The following GPC5 variants were observed in gnomAD, a reference collection of about 807,000 sequenced individuals.
The protein encoded by GPC5 is glypican-5.
Under a neutral mutation model 53.9 loss-of-function variants are expected in GPC5, and 47 were observed. The observed-to-expected ratio is 0.87, with a 90% CI of 0.69 to 1.11. The LOEUF (loss-of-function observed/expected upper bound fraction) is 1.11. GPC5 is among the 50% of genes most tolerant of loss of function. The probability of loss-of-function intolerance (pLI) is 0.00; values close to 1 mark genes in which losing one functional copy is unlikely to be tolerated. For missense variants in GPC5, 748 were observed against 713.1 expected, an observed-to-expected ratio of 1.05 and a Z score of -0.56; for synonymous variants, 286 against 263.3, an observed-to-expected ratio of 1.09 and a Z score of -0.84.
intron 7 of GPC5, among the ~76,000 whole-genome samples, chr13:92,665,081 C>T (rs1345229036): frequency 1.3e-5 from 2 of 152,000 alleles, no homozygotes; most frequent in African/African-American, 2.4e-5. Flanking sequence ...TATAGATACA[C>T]GGAAAATTTC....
chr13:92,310,779 G>T (rs953095375), intron 7 of GPC5, among the ~76,000 whole-genome samples: 34 of 152,114 alleles, frequency 2.2e-4, no homozygotes, highest in Non-Finnish European at 3.5e-4. Flanking sequence ...ACAAAGCATT[G>T]TAAAAACTGT....
chr13:92,348,795 T>C (rs1364597002), intron 7 of GPC5, among the ~76,000 whole-genome samples: 1 of 152,102 alleles, frequency 6.6e-6, no homozygotes, highest in East Asian at 1.9e-4. Flanking sequence ...CAAATACATA[T>C]AAATTAAACA....
intron 7 of GPC5, among the ~76,000 whole-genome samples, chr13:92,507,603 A>G (rs187910770): frequency 6.6e-6 from 1 of 152,204 alleles, no homozygotes; most frequent in African/African-American, 2.4e-5. Flanking sequence ...CACTCTACCT[A>G]TAACATCTCT....
intron 6 of GPC5, among the ~76,000 whole-genome samples, chr13:91,976,138 G>A (rs2040298822): frequency 6.6e-6 from 1 of 152,122 alleles, no homozygotes; most frequent in Admixed American, 6.6e-5. Context: ...GGGGGAGGGG[G>A]AAGGGATAGC....
At chr13:92,777,458 C>T (rs1460200796) in intron 7 of GPC5, among the ~76,000 whole-genome samples, 1 of 151,580 alleles carries the variant, frequency 6.6e-6, no homozygotes, top group African/African-American at 2.4e-5. Context: ...CATGGTAAAA[C>T]CCTGTCTCTA....
chr13:91,800,278 G>T (rs1425746134), intron 5 of GPC5, among the ~76,000 whole-genome samples: 2 of 152,004 alleles, frequency 1.3e-5, no homozygotes. Context: ...GTACCTGAAA[G>T]TTAAAAATAT....
chr13:91,930,698 T>G (rs1350014167), intron 6 of GPC5, among the ~76,000 whole-genome samples: 1 of 151,964 alleles, frequency 6.6e-6, no homozygotes, highest in African/African-American at 2.4e-5. Context: ...TGCAAACACA[T>G]ACCCTTTCCA....
intron 7 of GPC5, among the ~76,000 whole-genome samples, chr13:92,817,463 GC>G (rs1317397721): frequency 6.6e-6 from 1 of 151,726 alleles, no homozygotes; most frequent in Non-Finnish European, 1.5e-5. Context: ...TGATTACATA[GC>G]CTTCTAAGTT....
At chr13:92,357,874 T>TG (rs113657853) in intron 7 of GPC5, among the ~76,000 whole-genome samples, 41,398 of 150,492 alleles carry the variant, frequency 0.28, 6,154 homozygotes, top group South Asian at 0.39. Context: ...ACATGAGATA[T>TG]GGGGGGGGAC....
intron 7 of GPC5, among the ~76,000 whole-genome samples, chr13:92,460,386 C>T (rs1190872193): frequency 6.6e-6 from 1 of 152,128 alleles, no homozygotes; most frequent in Non-Finnish European, 1.5e-5. Flanking sequence ...TAGAACTTGA[C>T]AGTAGAGGAC....
At chr13:91,427,762 C>T (rs1181679855) in intron 1 of GPC5, among the ~76,000 whole-genome samples, 2 of 152,084 alleles carry the variant, frequency 1.3e-5, no homozygotes, top group Non-Finnish European at 2.9e-5. Context: ...TGTGTCCCCA[C>T]CTAAAATTTC....
At chr13:91,582,764 G>C (rs150384232) in intron 2 of GPC5, among the ~76,000 whole-genome samples, 2 of 152,106 alleles carry the variant, frequency 1.3e-5, no homozygotes, top group Non-Finnish European at 2.9e-5. Context: ...TGTAATCCCA[G>C]CACCTTGGGA....
intron 6 of GPC5, among the ~76,000 whole-genome samples, chr13:92,031,177 C>T (rs889106938): frequency 1.3e-5 from 2 of 152,056 alleles, no homozygotes; most frequent in African/African-American, 2.4e-5. Context: ...TCAGCCATTG[C>T]GCGATGTATT....
At chr13:92,030,395 C>G (rs889263668) in intron 6 of GPC5, among the ~76,000 whole-genome samples, 3 of 152,132 alleles carry the variant, frequency 2.0e-5, no homozygotes, top group East Asian at 3.9e-4. Flanking sequence ...TGTAATCCCT[C>G]ATTATTTCTC....
At chr13:91,634,797 A>T (rs184675020) in intron 2 of GPC5, among the ~76,000 whole-genome samples, 6 of 151,948 alleles carry the variant, frequency 3.9e-5, no homozygotes, top group East Asian at 3.9e-4. Context: ...TTACATTGTT[A>T]AAAAAAAGTG....
intron 5 of GPC5, among the ~76,000 whole-genome samples, chr13:91,760,360 G>T (rs2037384262): frequency 6.6e-6 from 1 of 152,102 alleles, no homozygotes; most frequent in Non-Finnish European, 1.5e-5. Flanking sequence ...AGTGATCTGT[G>T]GTGAAAAGCT....
At chr13:92,482,535 T>G (rs1170374902) in intron 7 of GPC5, among the ~76,000 whole-genome samples, 1 of 152,244 alleles carries the variant, frequency 6.6e-6, no homozygotes. Flanking sequence ...AAAGATTCTT[T>G]AACACCATTC....
At chr13:92,121,339 T>G (rs755426826) in intron 6 of GPC5, among the ~76,000 whole-genome samples, 75 of 152,210 alleles carry the variant, frequency 4.9e-4, no homozygotes, top group Non-Finnish European at 9.3e-4. Flanking sequence ...CACCATCATT[T>G]ATGATGATGC....
At chr13:92,223,848 G>T (rs2139091346) in intron 7 of GPC5, among the ~76,000 whole-genome samples, 1 of 152,170 alleles carries the variant, frequency 6.6e-6, no homozygotes, top group Admixed American at 6.5e-5. Context: ...TTTGTAAAGG[G>T]CATTTCATTT....
Sources: allele counts gnomAD v4.1 joint callset (sites outside exome capture counted in the v4.1 genomes callset), GRCh38; gene constraint gnomAD v4.1.1; transcripts MANE v1.5; gene names NCBI Gene and HGNC (gene_info 2026-07-23, HGNC 2026-07-21).